ANXA8: variants seen among roughly 807,000 people sequenced by gnomAD.
ANXA8 encodes the protein annexin A8.
In ANXA8, 9 loss-of-function variants were observed where a neutral mutation model predicts 26.8. That is an observed-to-expected ratio of 0.34 (90% CI 0.20 to 0.59). The LOEUF is 0.59. Ranked by LOEUF, ANXA8 falls within the 20% of genes least tolerant of loss-of-function variation. ANXA8 has a pLI of 0.84. For missense variants in ANXA8, 83 were observed against 238.5 expected (o/e 0.35, Z 4.29); for synonymous variants, 39 against 94.8 (o/e 0.41, Z 3.42).
the ANXA8 span, among the ~76,000 whole-genome samples, chr10:47,674,856 T>C: frequency 2.0e-5 from 3 of 151,876 alleles, no homozygotes; most frequent in Non-Finnish European, 4.4e-5. Context: ...TTTCAGTTGG[T>C]ATGACTTTTT....
the ANXA8 span, among the ~76,000 whole-genome samples, chr10:47,683,419 G>A: frequency 3.0e-4 from 45 of 151,772 alleles, no homozygotes; most frequent in South Asian, 2.9e-3. Context: ...TAGTAGAGAC[G>A]GGGTTTCACC....
the ANXA8 span, among the ~76,000 whole-genome samples, chr10:47,956,714 G>C: frequency 1.3e-5 from 2 of 150,496 alleles, no homozygotes; most frequent in African/African-American, 4.9e-5. Flanking sequence ...TCACTGTAGG[G>C]TAGGGCTTCA....
the ANXA8 span, among the ~76,000 whole-genome samples, chr10:47,715,267 G>A: frequency 4.1e-5 from 2 of 48,290 alleles, no homozygotes; most frequent in Admixed American, 2.4e-4. Flanking sequence ...CCAACATGGC[G>A]AAACCCTGTC....
At chr10:47,488,089 C>A (rs1249352724), upstream of ANXA8, among the ~76,000 whole-genome samples, 3 of 137,474 alleles carry the variant, frequency 2.2e-5, no homozygotes, top group African/African-American at 7.9e-5. Flanking sequence ...TGGGCCCATC[C>A]ATGAACCAGA....
the ANXA8 span, among the ~76,000 whole-genome samples, chr10:47,717,866 C>T: frequency 1.3e-3 from 200 of 151,872 alleles, no homozygotes; most frequent in South Asian, 5.6e-3. Context: ...GGCATGATGT[C>T]GGGTGCCTGT....
At chr10:47,672,072 T>G in the ANXA8 span, among the ~76,000 whole-genome samples, 2 of 151,296 alleles carry the variant, frequency 1.3e-5, no homozygotes, top group Non-Finnish European at 2.9e-5. Context: ...CTTTCTATTA[T>G]GTTTAATCAT....
At chr10:47,647,750 G>A in the ANXA8 span, among the ~76,000 whole-genome samples, 1 of 151,386 alleles carries the variant, frequency 6.6e-6, no homozygotes, top group East Asian at 1.9e-4. Flanking sequence ...ATATGCTATT[G>A]GTAGGCCATG....
At chr10:47,666,732 G>A in the ANXA8 span, among the ~76,000 whole-genome samples, 1 of 151,780 alleles carries the variant, frequency 6.6e-6, no homozygotes, top group Non-Finnish European at 1.5e-5. Context: ...CCCCTCAAAT[G>A]TTATACAGTT....
the ANXA8 span, among the ~76,000 whole-genome samples, chr10:47,568,552 GT>G: frequency 1.3e-4 from 3 of 23,146 alleles, no homozygotes; most frequent in African/African-American, 4.3e-4. Context: ...TATGAGTCTT[GT>G]TTTTTTTTTT....
chr10:47,973,149 C>A, the ANXA8 span: 3 of 149,942 alleles, frequency 2.0e-5, no homozygotes, highest in African/African-American at 7.3e-5. Flanking sequence ...CTTGTGGGAC[C>A]AGAAAGGATG....
At chr10:47,730,768 G>C in the ANXA8 span, among the ~76,000 whole-genome samples, 1 of 148,528 alleles carries the variant, frequency 6.7e-6, no homozygotes, top group African/African-American at 2.5e-5. Context: ...CTAAGTATGG[G>C]GAACCACAGA....
chr10:47,590,382 TGGCCTCTCCA>T, the ANXA8 span: 1 of 146,812 alleles, frequency 6.8e-6, no homozygotes, highest in South Asian at 2.1e-4. Flanking sequence ...GGCCCATACT[TGGCCTCTCCA>T]GGGTGAGTTG....
At chr10:47,469,584 GT>G (rs1177763748) in intron 11 of ANXA8, among the ~76,000 whole-genome samples, 1 of 150,936 alleles carries the variant, frequency 6.6e-6, no homozygotes, top group African/African-American at 2.5e-5. Context: ...TTCTTAGATA[GT>G]GGTAGGTCCT....
At chr10:47,672,430 G>A in the ANXA8 span, among the ~76,000 whole-genome samples, 252 of 151,870 alleles carry the variant, frequency 1.7e-3, 6 homozygotes, top group South Asian at 0.052. Context: ...TCCCATGAAA[G>A]TACTTTTTCT....
chr10:47,704,228 TAGTG>T, the ANXA8 span, among the ~76,000 whole-genome samples: 1 of 144,164 alleles, frequency 6.9e-6, no homozygotes, highest in African/African-American at 2.4e-5. Context: ...TTAGTCGACA[TAGTG>T]AGGAATATAA....
chr10:47,487,428 T>A (rs1588938026), upstream of ANXA8: 4 of 1,041,518 alleles, frequency 3.8e-6, no homozygotes, highest in Non-Finnish European at 5.4e-6. Context: ...AGAGGAAGAA[T>A]GTCCTAGTGA....
At chr10:47,495,549 G>A in the ANXA8 span, among the ~76,000 whole-genome samples, 2 of 149,918 alleles carry the variant, frequency 1.3e-5, no homozygotes, top group Non-Finnish European at 1.5e-5. Context: ...GCCTCCCAAA[G>A]GGCTGGGATT....
At chr10:47,599,089 T>A in the ANXA8 span, among the ~76,000 whole-genome samples, 2 of 147,406 alleles carry the variant, frequency 1.4e-5, no homozygotes, top group African/African-American at 5.2e-5. Context: ...TATTATTATA[T>A]ACATAATAAT....
At chr10:47,735,125 G>A in the ANXA8 span, among the ~76,000 whole-genome samples, 12 of 150,182 alleles carry the variant, frequency 8.0e-5, no homozygotes, top group African/African-American at 1.7e-4. Flanking sequence ...TTTGAGAGAC[G>A]GTCTTGCTCT....
Sources: allele counts gnomAD v4.1 joint callset (sites outside exome capture counted in the v4.1 genomes callset), GRCh38; gene constraint gnomAD v4.1.1; transcripts MANE v1.5; gene names NCBI Gene and HGNC (gene_info 2026-07-23, HGNC 2026-07-21).